Variants in URGCP observed in about 807,000 individuals in gnomAD.
URGCP encodes the protein up-regulator of cell proliferation.
A neutral mutation model predicts 24.6 loss-of-function variants in URGCP; 13 were observed. That is an observed-to-expected ratio of 0.53 (90% CI 0.34 to 0.84). The LOEUF (loss-of-function observed/expected upper bound fraction) is 0.84. URGCP is among the 40% of genes least tolerant of loss of function. URGCP has a pLI of 0.01. For synonymous variants in URGCP, 444 were observed against 487.2 expected (o/e 0.91, Z 1.17); for missense variants, 899 against 1,194.3 (o/e 0.75, Z 3.64).
upstream of URGCP, among the ~76,000 whole-genome samples, chr7:43,909,781 G>A (rs889119319): frequency 3.3e-5 from 5 of 151,994 alleles, no homozygotes; most frequent in Admixed American, 2.6e-4. Context: ...TGTGCCTCAC[G>A]CCTGTAATCC....
chr7:43,906,436 G>A (rs2095903065), intron 1 of URGCP, 126 bp downstream of exon 1: 6 of 1,004,932 alleles, frequency 6.0e-6, no homozygotes, highest in Middle Eastern at 4.8e-4. Flanking sequence ...CCTGGCGGGC[G>A]GGGGCGCCCC....
chr7:43,898,979 C>G (rs191290983), intron 1 of URGCP, among the ~76,000 whole-genome samples: 1 of 148,490 alleles, frequency 6.7e-6, no homozygotes, highest in Admixed American at 6.7e-5. Context: ...ACTAAAAGTA[C>G]GAAAATTAGC....
In URGCP at chr7:43,879,487, T is replaced by C. The variant is rs151211012; in HGVS notation, c.203-227A>G. Among the ~76,000 whole-genome samples, 15 of 152,316 alleles carry C rather than the reference T, an allele frequency of 9.8e-5. 1 individual carries two copies. In the East Asian group the frequency reaches 2.9e-3, roughly 29 times the overall value. On this transcript the variant is annotated intron_variant, in intron 5 of 5. Coordinates refer to ENST00000453200, the MANE Select transcript of URGCP (RefSeq NM_001077663.3). Reference sequence around the variant, plus strand: ...ATAGGTACCAACCTAACCACAGATATATGTGACATTAAACAAAAGAAAGAA... The same window carrying C: ...ATAGGTACCAACCTAACCACAGATACATGTGACATTAAACAAAAGAAAGAA...
chr7:43,883,362 A>ATTTT (rs34217938), intron 3 of URGCP, among the ~76,000 whole-genome samples: 81 of 88,280 alleles, frequency 9.2e-4, no homozygotes, highest in African/African-American at 3.5e-3. Context: ...ATATATATAT[A>ATTTT]TTTTTTTTTT....
intron 3 of URGCP, 55 bp downstream of exon 3, chr7:43,887,360 C>T: frequency 6.2e-7 from 1 of 1,603,340 alleles, no homozygotes; most frequent in Non-Finnish European, 8.5e-7. Flanking sequence ...CCCAAGGGGA[C>T]AGGAGAAGTA....
intron 1 of URGCP, among the ~76,000 whole-genome samples, chr7:43,924,732 G>C (rs1404684577): frequency 6.6e-6 from 1 of 152,122 alleles, no homozygotes; most frequent in Non-Finnish European, 1.5e-5. Flanking sequence ...TAGTCAGGTG[G>C]GCTGGAGGTA....
At chr7:43,914,812 G>A (rs1043289956) in intron 1 of URGCP, among the ~76,000 whole-genome samples, 1 of 152,078 alleles carries the variant, frequency 6.6e-6, no homozygotes, top group African/African-American at 2.4e-5. Flanking sequence ...TTCTTTGTAG[G>A]TTTTCTATCT....
rs374521680 is a variant in URGCP at position 43,877,651 on chromosome 7, C to T, written c.1812G>A (p.Glu604=). ...PKHGGTTDVG[E]PLWPEPLGVE... ...CCCCTAGGGGCTCAGGCCAGAGCGG[C>T]TCCCCCACGTCTGTGGTGCCCCCAT... The change falls in exon 6 of 6, where the codon GAG becomes GAA. Residue 604 remains glutamate (E), a synonymous_variant. Coordinates refer to ENST00000453200, the MANE Select transcript of URGCP (RefSeq NM_001077663.3). The T allele has an allele frequency of 6.2e-7, 1 of 1,614,044 alleles. No individual in the cohort carries two copies. The highest frequency in any genetic ancestry group is 1.3e-5 in the African/African-American group (1 of 74,934).
chr7:43,900,468 A>AC (rs2095888276), intron 1 of URGCP, among the ~76,000 whole-genome samples: 1 of 74,826 alleles, frequency 1.3e-5, no homozygotes, highest in Non-Finnish European at 2.6e-5. Flanking sequence ...AAAAACCAAA[A>AC]CAAAAAAAAA....
At chr7:43,899,645 C>A (rs1585820045) in intron 1 of URGCP, among the ~76,000 whole-genome samples, 1 of 151,996 alleles carries the variant, frequency 6.6e-6, no homozygotes. Flanking sequence ...AAAAGGAGAT[C>A]CCAGAAATAG....
rs60636688 is a variant in URGCP, at chr7:43,883,359, TA to T, written c.113-1403del. 9.5e-3 allele frequency among the ~76,000 whole-genome samples: 880 copies of T among 92,742 alleles called. 18 individuals carry two copies. The highest frequency in any genetic ancestry group is 0.043 in the African/African-American group (729 of 17,058). The allele number at this position is 92,742 out of a possible 152,430, so 60.8% of individuals were successfully genotyped here. A position where few individuals can be genotyped will look rare whatever the true frequency, so the allele number is the denominator to read the frequency against. On this transcript the variant is annotated intron_variant, in intron 3 of 5. Coordinates refer to ENST00000453200, the MANE Select transcript of URGCP (RefSeq NM_001077663.3). ...ATACATATATATATATATATATATATATATTTTTTTTTTTTTTTTGAGATGG... is the reference window on the plus strand; with the variant it reads ...ATACATATATATATATATATATATATTATTTTTTTTTTTTTTTTGAGATGG...
At chr7:43,904,617 G>A (rs953359528) in intron 1 of URGCP, among the ~76,000 whole-genome samples, 2 of 152,200 alleles carry the variant, frequency 1.3e-5, no homozygotes, top group South Asian at 2.1e-4. Flanking sequence ...ACACTTAGGA[G>A]CTATGTCTGC....
chr7:43,914,412 A>G lies in URGCP; in HGVS notation c.-116+11720T>C, dbSNP rs193096038. On this transcript the variant is annotated intron_variant, in intron 1 of 5. Transcript: ENST00000426198. The stretch of plus-strand genomic sequence containing the variant: ...CCTAACTACTTGGGTGCCTGAGGTG[A>G]GAGCATCTCTTGAGCCTGGGAGATG... 3.3e-5 allele frequency among the ~76,000 whole-genome samples: 5 copies of G among 152,272 alleles called. No homozygotes were observed. In the East Asian group the frequency reaches 9.7e-4, roughly 29 times the overall value.
At chr7:43,884,446 A>G (rs1183498047) in intron 3 of URGCP, among the ~76,000 whole-genome samples, 1 of 152,210 alleles carries the variant, frequency 6.6e-6, no homozygotes, top group Non-Finnish European at 1.5e-5. Flanking sequence ...GAACACAGGG[A>G]CAGAGGATAG....
intron 1 of URGCP, among the ~76,000 whole-genome samples, chr7:43,916,715 C>CCA (rs1554292913): frequency 5.1e-5 from 1 of 19,458 alleles, no homozygotes; most frequent in Non-Finnish European, 9.8e-5. Context: ...CTACCCACCC[C>CCA]CCCCCCCCAC....
At chr7:43,898,414 C>A (rs1162556534) in intron 1 of URGCP, among the ~76,000 whole-genome samples, 3 of 152,118 alleles carry the variant, frequency 2.0e-5, no homozygotes, top group Non-Finnish European at 2.9e-5. Context: ...TGTGCAACAC[C>A]TATTTGAGAA....
At chr7:43,879,366 C>A in intron 5 of URGCP, 106 bp from the exon 6 acceptor site, 4 of 1,338,630 alleles carry the variant, frequency 3.0e-6, no homozygotes, top group Non-Finnish European at 4.0e-6. Flanking sequence ...AGTGACGACC[C>A]CCTTCAGAGA....
At chr7:43,895,520 T>C (rs971943324) in intron 1 of URGCP, among the ~76,000 whole-genome samples, 1 of 152,096 alleles carries the variant, frequency 6.6e-6, no homozygotes, top group African/African-American at 2.4e-5. Context: ...TATAAAAATA[T>C]AAAAATTAGC....
chr7:43,924,636 T>A (rs1486167626), intron 1 of URGCP, among the ~76,000 whole-genome samples: 1 of 152,204 alleles, frequency 6.6e-6, no homozygotes, highest in Non-Finnish European at 1.5e-5. Flanking sequence ...TGACTTGGGC[T>A]GTTCAATGGG....
Sources: gnomAD v4.1 joint callset for allele counts (sites outside exome capture counted in the v4.1 genomes callset) on GRCh38, gnomAD v4.1.1 for gene constraint, MANE v1.5 for transcripts, NCBI Gene and HGNC (gene_info 2026-07-23, HGNC 2026-07-21) for gene names.